Variants in HPD observed in about 807,000 individuals in gnomAD.
HPD encodes the protein 4-hydroxyphenylpyruvic acid oxidase.
Under a neutral mutation model 56.9 loss-of-function variants are expected in HPD, and 35 were observed. The ratio of observed to expected loss-of-function variants is 0.62; its 90% CI spans 0.47 to 0.82. The LOEUF (loss-of-function observed/expected upper bound fraction) is 0.82, where lower values mean the gene tolerates loss of function less well. HPD is among the 40% of genes least tolerant of loss of function. The pLI, the probability that HPD is intolerant of heterozygous loss-of-function variation, is 0.00. For missense variants in HPD, 442 were observed against 506.8 expected, an observed-to-expected ratio of 0.87 and a Z score of 1.23; for synonymous variants, 186 against 200.2, an observed-to-expected ratio of 0.93 and a Z score of 0.60.
rs1877698848 is a variant in HPD at position 121,849,684 on chromosome 12, C to T, written c.518+3G>A. ...ACCCACCTCTGCCCTGAGGGACACT[C>T]ACAGTTTAGGAAGTAGGGGGTCCAT... On this transcript the variant is annotated splice_donor_region_variant and intron_variant, in intron 8 of 13. Coordinates refer to ENST00000289004, the MANE Select transcript of HPD (RefSeq NM_002150.3). 5 of 1,602,572 alleles carry T rather than the reference C, an allele frequency of 3.1e-6. No individual in the cohort carries two copies. Among genetic ancestry groups the T allele is most frequent in the Non-Finnish European group, 4.3e-6 (5 of 1,169,426 alleles).
chr12:121,855,578 A>G (rs141976264), intron 6 of HPD, among the ~76,000 whole-genome samples: 4,479 of 152,076 alleles, frequency 0.029, 115 homozygotes, highest in Non-Finnish European at 0.042. Context: ...TTAGCTGGGC[A>G]TGGTGGCAGG....
chr12:121,857,689 G>A (rs1013002283), intron 3 of HPD, 68 bp downstream of exon 3: 10 of 1,350,396 alleles, frequency 7.4e-6, no homozygotes, highest in Non-Finnish European at 1.1e-5. Flanking sequence ...CCTGCTGGAG[G>A]CCTGCCCTTG....
chr12:121,873,200 C>T, the HPD span, among the ~76,000 whole-genome samples: 3 of 152,146 alleles, frequency 2.0e-5, no homozygotes, highest in African/African-American at 4.8e-5. Flanking sequence ...ACATTGCATC[C>T]CTGTGGTAGA....
At chr12:121,864,518 ACTCCAGCCTGGG>A (rs1393055408), upstream of HPD, among the ~76,000 whole-genome samples, 6 of 144,842 alleles carry the variant, frequency 4.1e-5, no homozygotes, top group African/African-American at 1.6e-4. Flanking sequence ...GTACCATTGT[ACTCCAGCCTGGG>A]CAACAGAGGG....
At chr12:121,884,601 CTG>C in the HPD span, among the ~76,000 whole-genome samples, 1 of 101,932 alleles carries the variant, frequency 9.8e-6, no homozygotes, top group Non-Finnish European at 2.1e-5. Context: ...GCCACTGCAC[CTG>C]TATCTCTCTC....
upstream of HPD, among the ~76,000 whole-genome samples, chr12:121,865,131 G>A (rs1004783302): frequency 6.6e-6 from 1 of 152,014 alleles, no homozygotes; most frequent in African/African-American, 2.4e-5. Context: ...AGCTGGGCAT[G>A]ATGGCGGGCA....
upstream of HPD, among the ~76,000 whole-genome samples, chr12:121,867,351 CA>C (rs545740135): frequency 0.23 from 24,754 of 106,668 alleles, 4,094 homozygotes; most frequent in African/African-American, 0.49. Context: ...GACCCTGTCT[CA>C]AAAAAAAAAA....
intron 11 of HPD, among the ~76,000 whole-genome samples, chr12:121,844,143 C>G (rs1426233662): frequency 6.6e-6 from 1 of 152,050 alleles, no homozygotes; most frequent in Admixed American, 6.6e-5. Flanking sequence ...CTCTGCCTCC[C>G]GGTTCAAGCG....
chr12:121,864,540 G>A (rs1293167738), upstream of HPD, among the ~76,000 whole-genome samples: 1 of 139,346 alleles, frequency 7.2e-6, no homozygotes, highest in Non-Finnish European at 1.5e-5. Context: ...GCAACAGAGG[G>A]AGGCCCTGAC....
chr12:121,843,136 C>G (rs1313925359), intron 12 of HPD, among the ~76,000 whole-genome samples: 1 of 152,156 alleles, frequency 6.6e-6, no homozygotes, highest in Admixed American at 6.5e-5. Flanking sequence ...TGTTATGTGA[C>G]ATATGTCAAT....
In HPD at chr12:121,856,425, G is replaced by A. The variant is rs1461260519; in HGVS notation, c.242-19C>T. On this transcript the variant is annotated intron_variant, in intron 5 of 13. Transcript: ENST00000289004. ...CCCATCTCTGTGGCCGGCAGGGAGA[G>A]GATGGCACTGGAGTCTGGAGTCTAG... 6.2e-7 allele frequency: 1 copy of A among 1,611,744 alleles called. No individual in the cohort carries two copies. The highest frequency in any genetic ancestry group is 1.3e-5 in the African/African-American group (1 of 74,852).
chr12:121,876,084 G>T, the HPD span, among the ~76,000 whole-genome samples: 1 of 152,200 alleles, frequency 6.6e-6, no homozygotes, highest in Non-Finnish European at 1.5e-5. Flanking sequence ...GCCGAGGTGG[G>T]AGGATCACCT....
At chr12:121,858,469 C>T (rs1878084730) in intron 2 of HPD, among the ~76,000 whole-genome samples, 1 of 152,140 alleles carries the variant, frequency 6.6e-6, no homozygotes, top group Admixed American at 6.6e-5. Flanking sequence ...CAGGCATGAG[C>T]CACCATGCCC....
chr12:121,849,569 T>A, intron 8 of HPD, 118 bp downstream of exon 8: 3 of 744,072 alleles, frequency 4.0e-6, no homozygotes, highest in Non-Finnish European at 7.1e-6. Context: ...CTTCCAGGAA[T>A]TCCCTAGCCG....
At chr12:121,866,293 T>G (rs1878325599), upstream of HPD, among the ~76,000 whole-genome samples, 1 of 129,252 alleles carries the variant, frequency 7.7e-6, no homozygotes, top group African/African-American at 2.9e-5. Flanking sequence ...ACAGCGAGAC[T>G]CCGCCTCAAA....
At chr12:121,846,548 A>G (rs1406479145) in intron 11 of HPD, among the ~76,000 whole-genome samples, 9 of 152,168 alleles carry the variant, frequency 5.9e-5, no homozygotes, top group African/African-American at 1.9e-4. Flanking sequence ...TAAGGCAACT[A>G]AAGTCCAGAG....
At chr12:121,842,747 T>C (rs1319513971) in intron 12 of HPD, among the ~76,000 whole-genome samples, 1 of 139,162 alleles carries the variant, frequency 7.2e-6, no homozygotes, top group African/African-American at 2.7e-5. Context: ...GGATCTTTTT[T>C]TTTTTTTTTT....
intron 12 of HPD, among the ~76,000 whole-genome samples, chr12:121,841,192 C>T (rs189662228): frequency 0.014 from 2,078 of 143,884 alleles, 45 homozygotes; most frequent in African/African-American, 0.053. Context: ...CAGAGCAAGA[C>T]TCTGTCTCAA....
chr12:121,857,717 C>G (rs1182711039), intron 3 of HPD, 40 bp downstream of exon 3: 1 of 1,571,402 alleles, frequency 6.4e-7, no homozygotes, highest in Non-Finnish European at 8.8e-7. Context: ...GCCCTCTGCC[C>G]TGCCGTCTGC....
Sources: gnomAD v4.1 joint callset for allele counts (sites outside exome capture counted in the v4.1 genomes callset) on GRCh38, gnomAD v4.1.1 for gene constraint, MANE v1.5 for transcripts, NCBI Gene and HGNC (gene_info 2026-07-23, HGNC 2026-07-21) for gene names.